Variants in LMNTD1 observed in about 807,000 individuals in gnomAD.
The protein encoded by LMNTD1 is lamin tail domain containing 1.
LMNTD1 carries 35 observed loss-of-function variants against 50.9 expected under a neutral mutation model. That is an observed-to-expected ratio of 0.69 (90% CI 0.53 to 0.91). The LOEUF is 0.91. Ranked by LOEUF, LMNTD1 falls within the 40% of genes least tolerant of loss-of-function variation. The pLI is 0.00. For missense variants in LMNTD1, 470 were observed against 475.5 expected (o/e 0.99, Z 0.11); for synonymous variants, 153 against 161.9 (o/e 0.94, Z 0.42).
chr12:25,542,521 T>G (rs866302860), intron 4 of LMNTD1, among the ~76,000 whole-genome samples: 8 of 125,356 alleles, frequency 6.4e-5, no homozygotes, highest in Middle Eastern at 6.8e-3. Context: ...AATTGAACAA[T>G]GAGATCACAT....
At chr12:25,581,345 T>C (rs892480525) in intron 1 of LMNTD1, among the ~76,000 whole-genome samples, 2 of 152,214 alleles carry the variant, frequency 1.3e-5, no homozygotes, top group Admixed American at 1.3e-4. Flanking sequence ...CTTTTGCTGA[T>C]AAAATGTGAG....
At chr12:25,619,648 C>T (rs1246027384) in intron 1 of LMNTD1, among the ~76,000 whole-genome samples, 3 of 152,188 alleles carry the variant, frequency 2.0e-5, no homozygotes, top group Non-Finnish European at 4.4e-5. Context: ...TCTAAGACTG[C>T]AGGTGCTTGT....
chr12:25,487,809 A>G, intron 9 of LMNTD1, among the ~76,000 whole-genome samples: 1 of 76,330 alleles, frequency 1.3e-5, no homozygotes, highest in African/African-American at 5.0e-5. Flanking sequence ...TTCCTTCAGG[A>G]GCTTTTAGGG....
At chr12:25,560,156 T>C (rs1367949907) in intron 1 of LMNTD1, among the ~76,000 whole-genome samples, 1 of 152,240 alleles carries the variant, frequency 6.6e-6, no homozygotes, top group African/African-American at 2.4e-5. Context: ...GGTTTTCTTC[T>C]AGGGATTTTA....
rs148895677 is a variant in LMNTD1 at position 25,513,177 on chromosome 12, C to A, written c.1189+5618G>T. ...GAATGCTCAGTGGTGACTTTCAGCA[C>A]ATCTTCCACTAAGATGCATCCCGAT... On this transcript the variant is annotated intron_variant, in intron 8 of 9. Coordinates refer to ENST00000458174, the MANE Select transcript of LMNTD1 (RefSeq NM_001145728.2). 3.7e-3 allele frequency among the ~76,000 whole-genome samples: 556 copies of A among 152,314 alleles called. 4 individuals are homozygous for A. Among genetic ancestry groups the A allele is most frequent in the African/African-American group, 0.013 (541 of 41,578 alleles).
intron 1 of LMNTD1, among the ~76,000 whole-genome samples, chr12:25,622,213 C>A (rs1946485346): frequency 6.6e-6 from 1 of 152,144 alleles, no homozygotes; most frequent in African/African-American, 2.4e-5. Context: ...GAATATGCTT[C>A]TCATCATCTG....
rs368294083 is a variant in LMNTD1, at chr12:25,611,971, C to T, written c.58+36523G>A. Among the ~76,000 whole-genome samples the T allele has an allele frequency of 2.6e-4, 40 of 152,204 alleles. 1 individual carries two copies. The highest frequency in any genetic ancestry group is 7.7e-4 in the East Asian group (4 of 5,168). Reference sequence around the variant, plus strand: ...TGGAATTTAAGAGTAAACTTCTATCCGTTGGAGTATTTTCTTCATGGAACA... The same window carrying T: ...TGGAATTTAAGAGTAAACTTCTATCTGTTGGAGTATTTTCTTCATGGAACA... On this transcript the variant is annotated intron_variant, in intron 1 of 7. Coordinates refer to the LMNTD1 transcript ENST00000445693.
intron 8 of LMNTD1, among the ~76,000 whole-genome samples, chr12:25,517,973 G>A (rs1940936255): frequency 6.6e-6 from 1 of 152,128 alleles, no homozygotes; most frequent in Non-Finnish European, 1.5e-5. Flanking sequence ...GTCATGAGTA[G>A]TGGAAATTGC....
chr12:25,490,424 T>C (rs1196036987), intron 9 of LMNTD1, among the ~76,000 whole-genome samples: 1 of 152,204 alleles, frequency 6.6e-6, no homozygotes, highest in African/African-American at 2.4e-5. Context: ...TACTCTTTAG[T>C]TGCCAATGAG....
At chr12:25,641,543 G>A (rs907556390) in intron 1 of LMNTD1, among the ~76,000 whole-genome samples, 4 of 152,162 alleles carry the variant, frequency 2.6e-5, no homozygotes, top group African/African-American at 9.7e-5. Context: ...TATTAATAAT[G>A]TGTATTTAGA....
intron 4 of LMNTD1, among the ~76,000 whole-genome samples, chr12:25,529,637 C>G (rs543048288): frequency 2.6e-5 from 4 of 152,286 alleles, no homozygotes; most frequent in South Asian, 2.1e-4. Flanking sequence ...TTATCACGCT[C>G]TCATCATTTC....
intron 1 of LMNTD1, among the ~76,000 whole-genome samples, chr12:25,634,500 T>C (rs554495190): frequency 6.6e-6 from 1 of 152,290 alleles, no homozygotes; most frequent in East Asian, 1.9e-4. Flanking sequence ...GTGGGCTTCA[T>C]ACTAGGGATG....
intron 4 of LMNTD1, 143 bp from the exon 5 acceptor site, chr12:25,527,098 T>C: frequency 2.0e-6 from 1 of 499,106 alleles, no homozygotes; most frequent in Non-Finnish European, 3.4e-6. Flanking sequence ...GAATAGTATA[T>C]TTTGTAACCT....
chr12:25,646,263 T>C (rs778458351), intron 1 of LMNTD1, among the ~76,000 whole-genome samples: 8 of 151,728 alleles, frequency 5.3e-5, no homozygotes, highest in Non-Finnish European at 7.4e-5. Flanking sequence ...TAGAGCTCAG[T>C]GTCCCTAAAT....
intron 1 of LMNTD1, among the ~76,000 whole-genome samples, chr12:25,610,421 A>G (rs1339373193): frequency 6.6e-6 from 1 of 152,154 alleles, no homozygotes; most frequent in Non-Finnish European, 1.5e-5. Flanking sequence ...CTTCTGCATC[A>G]GTCACACTGA....
At chr12:25,537,467 A>C (rs917727357) in intron 4 of LMNTD1, among the ~76,000 whole-genome samples, 17 of 152,168 alleles carry the variant, frequency 1.1e-4, no homozygotes, top group African/African-American at 4.1e-4. Context: ...GGGCACACTG[A>C]CACCTCACAC....
exon 1 of LMNTD1, chr12:25,648,551 T>C (rs750026273): frequency 1.7e-5 from 27 of 1,551,562 alleles, no homozygotes; most frequent in Non-Finnish European, 2.4e-5. Context: ...GGCTGTTGCA[T>C]GTAGTGTCCT....
intron 1 of LMNTD1, among the ~76,000 whole-genome samples, chr12:25,646,229 T>C (rs765829462): frequency 9.2e-5 from 14 of 151,942 alleles, no homozygotes; most frequent in South Asian, 2.1e-4. Flanking sequence ...ACAGGCCTGT[T>C]GTTCATTGAC....
At chr12:25,605,289 T>TAG (rs1021670889) in intron 1 of LMNTD1, among the ~76,000 whole-genome samples, 5 of 152,210 alleles carry the variant, frequency 3.3e-5, no homozygotes, top group Non-Finnish European at 4.4e-5. Flanking sequence ...TCCCATGTTG[T>TAG]AGGTTGCCTG....
Sources: gnomAD v4.1 joint callset for allele counts (sites outside exome capture counted in the v4.1 genomes callset) on GRCh38, gnomAD v4.1.1 for gene constraint, MANE v1.5 for transcripts, NCBI Gene and HGNC (gene_info 2026-07-23, HGNC 2026-07-21) for gene names.